DPP10: variants seen among roughly 807,000 people sequenced by gnomAD.
DPP10 encodes dipeptidyl peptidase like 10, also known as inactive dipeptidyl peptidase 10.
In DPP10, 33 loss-of-function variants were observed where a neutral mutation model predicts 120.9. The ratio of observed to expected loss-of-function variants is 0.27; its 90% CI spans 0.21 to 0.37. The LOEUF (loss-of-function observed/expected upper bound fraction) is 0.37. DPP10 is among the 10% of genes least tolerant of loss of function. The pLI, the probability that DPP10 is intolerant of heterozygous loss-of-function variation, is 1.00. For missense variants in DPP10, 816 were observed against 942.8 expected (o/e 0.87, Z 1.76); for synonymous variants, 337 against 326.1 (o/e 1.03, Z -0.36).
intron 1 of DPP10, among the ~76,000 whole-genome samples, chr2:115,019,449 T>G (rs1702908611): frequency 6.6e-6 from 1 of 152,038 alleles, no homozygotes; most frequent in South Asian, 2.1e-4. Context: ...CCTTTTGAAT[T>G]AACCCAATCC....
At chr2:115,701,876 G>T (rs979443718) in intron 7 of DPP10, among the ~76,000 whole-genome samples, 1 of 152,034 alleles carries the variant, frequency 6.6e-6, no homozygotes, top group African/African-American at 2.4e-5. Context: ...ATGGAAAGAA[G>T]TTTGATCTTA....
intron 1 of DPP10, among the ~76,000 whole-genome samples, chr2:115,067,992 C>G (rs1707062275): frequency 6.6e-6 from 1 of 151,230 alleles, no homozygotes. Context: ...ACAGTTGATT[C>G]CGTATCTTGG....
intron 1 of DPP10, among the ~76,000 whole-genome samples, chr2:115,044,775 AC>A (rs1357343451): frequency 6.6e-6 from 1 of 151,926 alleles, no homozygotes; most frequent in Non-Finnish European, 1.5e-5. Flanking sequence ...CACTACCACT[AC>A]CCTTCCCAAT....
intron 1 of DPP10, among the ~76,000 whole-genome samples, chr2:114,679,017 G>T (rs1698846694): frequency 6.6e-6 from 1 of 151,934 alleles, no homozygotes; most frequent in African/African-American, 2.4e-5. Context: ...TGAGACCCTC[G>T]TTCTGCTTTA....
chr2:115,776,092 G>A (rs1346659155), intron 13 of DPP10, among the ~76,000 whole-genome samples: 1 of 152,084 alleles, frequency 6.6e-6, no homozygotes, highest in Non-Finnish European at 1.5e-5. Context: ...CTGAGATAAG[G>A]AATCAGAGTG....
chr2:115,612,304 A>C (rs2084165609), intron 5 of DPP10, among the ~76,000 whole-genome samples: 1 of 152,194 alleles, frequency 6.6e-6, no homozygotes, highest in Non-Finnish European at 1.5e-5. Flanking sequence ...TGGACAAAAG[A>C]TGGAAAGCCA....
Position 115,528,320 on chromosome 2 carries a change from G to A in DPP10, c.441+2348G>A, listed in dbSNP as rs185921663. On this transcript the variant is annotated intron_variant, in intron 5 of 25. Transcript: ENST00000410059. ...ACATATATACATATGTAACAAACCT[G>A]CACATTGTGCACATGTACCCTAGAA... Among the ~76,000 whole-genome samples the A allele has an allele frequency of 8.1e-3, 1,216 of 150,528 alleles. 17 individuals carry two copies. Among genetic ancestry groups the A allele is most frequent in the African/African-American group, 0.028 (1,168 of 40,986 alleles).
chr2:114,774,454 A>G (rs182759240), intron 1 of DPP10, among the ~76,000 whole-genome samples: 1 of 151,782 alleles, frequency 6.6e-6, no homozygotes, highest in Admixed American at 6.6e-5. Flanking sequence ...TAGAATCATG[A>G]GGTAGGAGAT....
intron 4 of DPP10, among the ~76,000 whole-genome samples, chr2:115,522,256 C>T (rs2077855575): frequency 6.6e-6 from 1 of 152,156 alleles, no homozygotes; most frequent in Non-Finnish European, 1.5e-5. Flanking sequence ...CAGCTTCAGT[C>T]TTACCCTGCT....
intron 1 of DPP10, among the ~76,000 whole-genome samples, chr2:115,193,191 A>G (rs1048532940): frequency 5.3e-5 from 8 of 152,202 alleles, no homozygotes; most frequent in Admixed American, 3.3e-4. Flanking sequence ...TTCACAGACA[A>G]TCTTTGACAT....
intron 1 of DPP10, among the ~76,000 whole-genome samples, chr2:114,569,264 TC>T (rs1689440036): frequency 1.3e-5 from 2 of 152,174 alleles, no homozygotes; most frequent in African/African-American, 4.8e-5. Context: ...AAGGGACAAA[TC>T]CTGCAAGAGT....
chr2:115,308,408 G>A (rs892070807), intron 1 of DPP10, among the ~76,000 whole-genome samples: 8 of 152,050 alleles, frequency 5.3e-5, no homozygotes, highest in Non-Finnish European at 1.0e-4. Flanking sequence ...AAAATGAGAA[G>A]CTCAGTGTTT....
At chr2:114,808,133 A>G (rs1218847581) in intron 1 of DPP10, among the ~76,000 whole-genome samples, 1 of 152,134 alleles carries the variant, frequency 6.6e-6, no homozygotes, top group African/African-American at 2.4e-5. Context: ...ACATGACATC[A>G]TTTTCACCAA....
At chr2:115,479,973 T>G (rs2105258546) in intron 3 of DPP10, among the ~76,000 whole-genome samples, 1 of 152,262 alleles carries the variant, frequency 6.6e-6, no homozygotes, top group Middle Eastern at 3.4e-3. Flanking sequence ...TTATTTCCCC[T>G]AATAGAACAA....
intron 1 of DPP10, among the ~76,000 whole-genome samples, chr2:115,114,915 CATAA>C (rs1418564940): frequency 6.6e-6 from 1 of 151,916 alleles, no homozygotes; most frequent in Non-Finnish European, 1.5e-5. Flanking sequence ...GGAAGTGGGA[CATAA>C]ATAGTTTGAT....
intron 1 of DPP10, among the ~76,000 whole-genome samples, chr2:115,178,359 T>C (rs1344841956): frequency 1.3e-5 from 2 of 152,166 alleles, no homozygotes; most frequent in East Asian, 1.9e-4. Flanking sequence ...AGAAGTTATG[T>C]GGCCCTAGTC....
intron 3 of DPP10, among the ~76,000 whole-genome samples, chr2:115,456,969 A>C (rs2073601711): frequency 9.8e-6 from 1 of 102,288 alleles, no homozygotes; most frequent in Non-Finnish European, 2.7e-5. Context: ...AAAGTATAAT[A>C]ATAAAAACAA....
At chr2:115,352,768 A>G (rs2064118316) in intron 3 of DPP10, among the ~76,000 whole-genome samples, 1 of 152,154 alleles carries the variant, frequency 6.6e-6, no homozygotes, top group Non-Finnish European at 1.5e-5. Context: ...GAAAGTAGAC[A>G]TAACTGAAGA....
chr2:114,546,995 T>A (rs1687460588), intron 1 of DPP10, among the ~76,000 whole-genome samples: 1 of 152,204 alleles, frequency 6.6e-6, no homozygotes, highest in Non-Finnish European at 1.5e-5. Flanking sequence ...GCAACATGAT[T>A]CTGTGGTAAA....
Sources: gnomAD v4.1 joint callset for allele counts (sites outside exome capture counted in the v4.1 genomes callset) on GRCh38, gnomAD v4.1.1 for gene constraint, MANE v1.5 for transcripts, NCBI Gene and HGNC (gene_info 2026-07-23, HGNC 2026-07-21) for gene names.